Variants in LDB2 observed in about 807,000 individuals in gnomAD.
The protein encoded by LDB2 is LIM domain-binding protein 2.
Under a neutral mutation model 44.3 loss-of-function variants are expected in LDB2, and 12 were observed. That is an observed-to-expected ratio of 0.27 (90% CI 0.17 to 0.44). The LOEUF is 0.44. LDB2 is among the 20% of genes least tolerant of loss of function. LDB2 has a pLI of 1.00. For synonymous variants in LDB2, 164 were observed against 174.8 expected, an observed-to-expected ratio of 0.94 and a Z score of 0.49; for missense variants, 344 against 473.5, an observed-to-expected ratio of 0.73 and a Z score of 2.54.
intron 1 of LDB2, among the ~76,000 whole-genome samples, chr4:16,774,753 G>A (rs907580081): frequency 6.6e-6 from 1 of 152,132 alleles, no homozygotes; most frequent in African/African-American, 2.4e-5. Context: ...TCCTCTTTGT[G>A]TTTGTGTGTG....
At chr4:16,776,675 C>A (rs1013818476) in intron 1 of LDB2, among the ~76,000 whole-genome samples, 1 of 152,082 alleles carries the variant, frequency 6.6e-6, no homozygotes, top group African/African-American at 2.4e-5. Flanking sequence ...TGTATACTAG[C>A]GGATGACAAA....
chr4:16,692,232 T>C (rs935334646), intron 2 of LDB2, among the ~76,000 whole-genome samples: 1 of 152,198 alleles, frequency 6.6e-6, no homozygotes, highest in Non-Finnish European at 1.5e-5. Context: ...ACATCAGAAT[T>C]TGGATGAAGT....
At chr4:16,586,513 CACACACACACACAAA>C (rs765610777) in intron 4 of LDB2, among the ~76,000 whole-genome samples, 32,881 of 142,946 alleles carry the variant, frequency 0.23, 3,675 homozygotes, top group East Asian at 0.31. Flanking sequence ...CACACACACA[CACACACACACACAAA>C]ACACACACAC....
chr4:16,626,269 C>T (rs1416988550), intron 2 of LDB2, among the ~76,000 whole-genome samples: 5 of 152,278 alleles, frequency 3.3e-5, no homozygotes, highest in African/African-American at 4.8e-5. Context: ...TCAGAATACA[C>T]GTTAGTTACT....
At chr4:16,711,861 T>C (rs758391619) in intron 2 of LDB2, among the ~76,000 whole-genome samples, 9 of 152,202 alleles carry the variant, frequency 5.9e-5, no homozygotes, top group Non-Finnish European at 1.2e-4. Context: ...TTTTAACAAA[T>C]GGTGCTGAGA....
intron 5 of LDB2, among the ~76,000 whole-genome samples, chr4:16,519,829 G>A (rs1014459219): frequency 1.3e-5 from 2 of 151,804 alleles, no homozygotes; most frequent in African/African-American, 4.8e-5. Flanking sequence ...CAAAAGCCTG[G>A]AACTAGGTCA....
chr4:16,635,879 A>G (rs974008930), intron 2 of LDB2, among the ~76,000 whole-genome samples: 1 of 152,162 alleles, frequency 6.6e-6, no homozygotes, highest in African/African-American at 2.4e-5. Flanking sequence ...TCTATAGTAT[A>G]GGTGAAATGT....
At chr4:16,850,245 C>T (rs562595615) in intron 1 of LDB2, among the ~76,000 whole-genome samples, 58 of 152,192 alleles carry the variant, frequency 3.8e-4, no homozygotes, top group African/African-American at 1.3e-3. Flanking sequence ...CAGAGAAAGC[C>T]TGGAATAAGG....
intron 1 of LDB2, among the ~76,000 whole-genome samples, chr4:16,862,681 G>A (rs1481460794): frequency 6.9e-6 from 1 of 145,786 alleles, no homozygotes; most frequent in Non-Finnish European, 1.5e-5. Context: ...CTCTGGCTCT[G>A]GCCCTTGGTG....
chr4:16,602,039 A>T (rs931288964), intron 2 of LDB2, among the ~76,000 whole-genome samples: 1 of 152,194 alleles, frequency 6.6e-6, no homozygotes, highest in Admixed American at 6.5e-5. Flanking sequence ...AATTGGCATG[A>T]CTTTCATTCT....
intron 5 of LDB2, among the ~76,000 whole-genome samples, chr4:16,528,453 A>T (rs545437622): frequency 6.6e-6 from 1 of 152,238 alleles, no homozygotes; most frequent in Non-Finnish European, 1.5e-5. Context: ...ATGGATTACA[A>T]ACATCATAAT....
chr4:16,693,604 T>C (rs1356027937), intron 2 of LDB2, among the ~76,000 whole-genome samples: 1 of 152,044 alleles, frequency 6.6e-6, no homozygotes, highest in Non-Finnish European at 1.5e-5. Context: ...ATCCCGGCCT[T>C]GTTTATTCTT....
chr4:16,858,803 T>C (rs908108695), intron 1 of LDB2, among the ~76,000 whole-genome samples: 8 of 152,220 alleles, frequency 5.3e-5, no homozygotes, highest in Admixed American at 1.3e-4. Flanking sequence ...ACAATATTTA[T>C]TGAACTATAC....
intron 2 of LDB2, among the ~76,000 whole-genome samples, chr4:16,672,774 G>C (rs980334660): frequency 2.0e-4 from 30 of 152,086 alleles, no homozygotes; most frequent in African/African-American, 7.2e-4. Flanking sequence ...GTAACACTGA[G>C]AGAATGTTTT....
At chr4:16,794,197 TG>T (rs796606652) in intron 1 of LDB2, among the ~76,000 whole-genome samples, 7 of 152,246 alleles carry the variant, frequency 4.6e-5, no homozygotes, top group African/African-American at 1.7e-4. Context: ...GCTGACACCC[TG>T]GGGCAGAGCT....
chr4:16,519,100 T>C (rs905140416), intron 5 of LDB2, among the ~76,000 whole-genome samples: 1 of 152,230 alleles, frequency 6.6e-6, no homozygotes, highest in Admixed American at 6.5e-5. Context: ...GTTCACCTCT[T>C]ATCTACGGCA....
At chr4:16,611,613 A>T (rs575273951) in intron 2 of LDB2, among the ~76,000 whole-genome samples, 2 of 152,216 alleles carry the variant, frequency 1.3e-5, no homozygotes, top group Non-Finnish European at 2.9e-5. Flanking sequence ...AAAAAAGACA[A>T]AGAAGGGCAT....
At position 16,585,910 on chromosome 4, in the gene LDB2, G is replaced by T; in HGVS notation, c.615+12C>A. ...AACTCACCAAAAAATAAAATCATTC[G>T]ATTGATCTTACCCTGAGGTAGTTGA... On this transcript the variant is annotated intron_variant, in intron 5 of 7. Coordinates refer to ENST00000304523, the MANE Select transcript of LDB2 (RefSeq NM_001290.5). 1.2e-6 allele frequency: 2 copies of T among 1,603,462 alleles called. No individual in the cohort carries two copies. The highest frequency in any genetic ancestry group is 1.1e-5 in the South Asian group (1 of 90,816).
Position 16,569,742 on chromosome 4 carries a change from T to A in LDB2, c.615+16180A>T, listed in dbSNP as rs114777386. On this transcript the variant is annotated intron_variant, in intron 5 of 7. Coordinates refer to ENST00000304523, the MANE Select transcript of LDB2 (RefSeq NM_001290.5). ...TCATTTGCAGCATGGTATTTATTAT[T>A]TTATATGTGGTAGTTGTTAATATTT... Among the ~76,000 whole-genome samples, 857 of 152,298 alleles carry A rather than the reference T, an allele frequency of 5.6e-3. 9 individuals are homozygous for A. The highest frequency in any genetic ancestry group is 0.02 in the African/African-American group (819 of 41,552).
Sources: gnomAD v4.1 joint callset for allele counts (sites outside exome capture counted in the v4.1 genomes callset) on GRCh38, gnomAD v4.1.1 for gene constraint, MANE v1.5 for transcripts, NCBI Gene and HGNC (gene_info 2026-07-23, HGNC 2026-07-21) for gene names.